Variants in SYNE2 observed in about 807,000 individuals in gnomAD.
SYNE2 encodes nesprin-2.
SYNE2 carries 431 observed loss-of-function variants against 856.3 expected under a neutral mutation model. The ratio of observed to expected loss-of-function variants is 0.50; its 90% CI spans 0.47 to 0.55. The LOEUF (loss-of-function observed/expected upper bound fraction) is 0.55. SYNE2 is among the 20% of genes least tolerant of loss of function. The probability of loss-of-function intolerance (pLI) is 0.00; values close to 1 mark genes in which losing one functional copy is unlikely to be tolerated. For synonymous variants in SYNE2, 2,923 were observed against 2,872.3 expected (o/e 1.02, Z -0.56); for missense variants, 8,129 against 8,023.2 (o/e 1.01, Z -0.50).
At chr14:64,201,093 C>T (rs1045832043) in intron 99 of SYNE2, among the ~76,000 whole-genome samples, 1 of 152,216 alleles carries the variant, frequency 6.6e-6, no homozygotes, top group African/African-American at 2.4e-5. Context: ...GATAATTTTA[C>T]AGATCATGAA....
chr14:64,096,425 A>G (rs1328001946), intron 61 of SYNE2, among the ~76,000 whole-genome samples: 2 of 152,206 alleles, frequency 1.3e-5, no homozygotes, highest in African/African-American at 2.4e-5. Flanking sequence ...GACCTCATGG[A>G]CTGTGGCCAG....
At chr14:64,137,725 G>T in intron 78 of SYNE2, 62 bp from the exon 79 acceptor site, 1 of 1,564,300 alleles carries the variant, frequency 6.4e-7, no homozygotes, top group South Asian at 1.1e-5. Flanking sequence ...TGCAGTATTT[G>T]TGAATAGCTT....
At chr14:63,808,857 T>TG (rs1423011066) in intron 1 of SYNE2, 5 of 152,164 alleles carry the variant, frequency 3.3e-5, no homozygotes, top group Non-Finnish European at 7.3e-5. Context: ...ACCCCATCTC[T>TG]GCTAAAAATA....
At chr14:64,028,978 A>T (rs1305320227) in intron 43 of SYNE2, among the ~76,000 whole-genome samples, 1 of 152,104 alleles carries the variant, frequency 6.6e-6, no homozygotes, top group Non-Finnish European at 1.5e-5. Context: ...TCTACTAAAA[A>T]TACAAAAATT....
rs770077730 is a variant in SYNE2, at chr14:64,062,723, C to T, written c.10068-28C>T. The T allele has an allele frequency of 1.9e-6, 3 of 1,591,844 alleles. No individual in the cohort carries two copies. In the South Asian group the frequency reaches 3.3e-5, roughly 18 times the overall value. ...TATTGTGTTAAATAAAATTTAATAC[C>T]ACTTTTTTTCTAACTGTGACTCACT... On this transcript the variant is annotated intron_variant, in intron 49 of 115. Coordinates refer to ENST00000555002, the MANE Select transcript of SYNE2 (RefSeq NM_182914.3).
At chr14:63,965,831 G>C (rs2096383296) in intron 10 of SYNE2, among the ~76,000 whole-genome samples, 1 of 152,194 alleles carries the variant, frequency 6.6e-6, no homozygotes, top group Non-Finnish European at 1.5e-5. Context: ...TAGGCTTCTT[G>C]ACCTTCTTCC....
chr14:64,188,722 C>A lies in SYNE2; in HGVS notation c.17871+14C>A. The A allele has an allele frequency of 6.2e-7, 1 of 1,613,780 alleles. No individual in the cohort carries two copies. The highest frequency in any genetic ancestry group is 1.1e-5 in the South Asian group (1 of 91,066). ...AAGTTACAGAAGGTAAGGGAGGACA[C>A]CCAGGTGGATGTAGTTATGACTACC... On this transcript the variant is annotated intron_variant, in intron 98 of 115. Coordinates refer to ENST00000555002, the MANE Select transcript of SYNE2 (RefSeq NM_182914.3).
chr14:63,984,947 C>T (rs34029894), intron 18 of SYNE2, among the ~76,000 whole-genome samples: 1 of 152,146 alleles, frequency 6.6e-6, no homozygotes, highest in African/African-American at 2.4e-5. Flanking sequence ...TGCTTGAGCT[C>T]AAGTTCGAGA....
intron 57 of SYNE2, 67 bp downstream of exon 57, chr14:64,081,647 G>A (rs1270385098): frequency 3.2e-6 from 5 of 1,566,132 alleles, no homozygotes; most frequent in East Asian, 4.5e-5. Context: ...TTAGCTGATT[G>A]TCTTGGTGCT....
chr14:64,213,546 T>A (rs1385841001), intron 105 of SYNE2, among the ~76,000 whole-genome samples: 1 of 152,206 alleles, frequency 6.6e-6, no homozygotes, highest in African/African-American at 2.4e-5. Flanking sequence ...TTTGTGTGCC[T>A]GAAGCTTGAA....
chr14:64,032,720 G>A (rs557578138), intron 45 of SYNE2, among the ~76,000 whole-genome samples: 2 of 152,134 alleles, frequency 1.3e-5, no homozygotes, highest in South Asian at 4.1e-4. Flanking sequence ...TTACAGGCAT[G>A]TGCCACCACG....
At chr14:63,997,420 A>C in intron 25 of SYNE2, 29 bp downstream of exon 25, 1 of 1,554,896 alleles carries the variant, frequency 6.4e-7, no homozygotes, top group East Asian at 2.3e-5. Context: ...GTATTTTAGA[A>C]GTAAACCCAA....
intron 51 of SYNE2, among the ~76,000 whole-genome samples, chr14:64,069,410 A>G (rs2097384878): frequency 6.6e-6 from 1 of 152,196 alleles, no homozygotes; most frequent in Non-Finnish European, 1.5e-5. Context: ...GCGCACACCT[A>G]GGTCTCTTGG....
chr14:64,161,149 G>A (rs551418303), intron 87 of SYNE2, among the ~76,000 whole-genome samples: 2 of 152,164 alleles, frequency 1.3e-5, no homozygotes, highest in Admixed American at 1.3e-4. Flanking sequence ...TTCAAGACCA[G>A]CCTGGGTAGC....
Position 64,212,901 on chromosome 14 carries a change from G to T in SYNE2, c.18952G>T (p.Asp6318Tyr). 1 of 1,614,212 alleles carries T rather than the reference G, an allele frequency of 6.2e-7. No individual in the cohort carries two copies. Among genetic ancestry groups the T allele is most frequent in the Non-Finnish European group, 8.5e-7 (1 of 1,180,044 alleles). The change falls in exon 105 of 116, where the codon GAT becomes TAT. Residue 6318 changes from aspartate to tyrosine, a missense_variant. By Grantham distance (160) the Asp-to-Tyr change is radical. Transcript: ENST00000555002. ...GCTGATTCAGAAGAGCGAGCCCCTGGATGCTGTGCTGATTGAGGATGAGCT... is the reference window on the plus strand; with the variant it reads ...GCTGATTCAGAAGAGCGAGCCCCTGTATGCTGTGCTGATTGAGGATGAGCT... ...EQLIQKSEPL[D>Y]AVLIEDELEE... is the part of the protein sequence containing the mutation.
chr14:63,926,695 T>C (rs1272008660), intron 2 of SYNE2, among the ~76,000 whole-genome samples: 2 of 152,218 alleles, frequency 1.3e-5, no homozygotes, highest in Admixed American at 1.3e-4. Flanking sequence ...TAGATACTAT[T>C]GTCCCCATTT....
At chr14:64,038,598 G>A (rs192850584) in intron 45 of SYNE2, among the ~76,000 whole-genome samples, 46 of 152,354 alleles carry the variant, frequency 3.0e-4, no homozygotes, top group East Asian at 2.1e-3. Flanking sequence ...CCGGCACCTC[G>A]GGAGGCCGAG....
upstream of SYNE2, among the ~76,000 whole-genome samples, chr14:63,852,353 A>G (rs528686933): frequency 5.3e-5 from 8 of 152,264 alleles, 1 homozygote; most frequent in South Asian, 1.5e-3. Context: ...TGCAAGACGC[A>G]GTTCCAAGGA....
chr14:64,037,720 GCCCCGCAC>G (rs2097104359), intron 45 of SYNE2, among the ~76,000 whole-genome samples: 1 of 16,870 alleles, frequency 5.9e-5, no homozygotes. Context: ...GGGCAGAGGC[GCCCCGCAC>G]CTCCCTCCCG....
Sources: gnomAD v4.1 joint callset for allele counts (sites outside exome capture counted in the v4.1 genomes callset) on GRCh38, gnomAD v4.1.1 for gene constraint, MANE v1.5 for transcripts, NCBI Gene and HGNC (gene_info 2026-07-23, HGNC 2026-07-21) for gene names.